VPS13D: variants seen among roughly 807,000 people sequenced by gnomAD.
VPS13D encodes the protein intermembrane lipid transfer protein VPS13D.
VPS13D carries 187 observed loss-of-function variants against 461.9 expected under a neutral mutation model. The observed-to-expected ratio is 0.40, with a 90% CI of 0.36 to 0.46. VPS13D has a LOEUF of 0.46. VPS13D is among the 20% of genes least tolerant of loss of function. VPS13D has a pLI of 0.60. For missense variants in VPS13D, 4,711 were observed against 5,364.9 expected, an observed-to-expected ratio of 0.88 and a Z score of 3.81; for synonymous variants, 1,951 against 1,986.3, an observed-to-expected ratio of 0.98 and a Z score of 0.47.
Position 12,279,142 on chromosome 1 carries a change from G to A in VPS13D, c.4451-357G>A, listed in dbSNP as rs1420301747. Among the ~76,000 whole-genome samples the A allele has an allele frequency of 1.3e-5, 2 of 152,208 alleles. No individual in the cohort carries two copies. Among genetic ancestry groups the A allele is most frequent in the Non-Finnish European group, 2.9e-5 (2 of 68,030 alleles). On this transcript the variant is annotated intron_variant, in intron 19 of 69. Transcript: ENST00000620676. This position sits in a 1 kb window ranked among gnomAD's most constrained non-coding sequence, Gnocchi z 4.3. The stretch of plus-strand genomic sequence containing the variant: ...CATCTGTATCTGAAAGCTAGGTAAG[G>A]ATGAATAATTCGGTTTGGAAAATGC...
At chr1:12,367,219 T>C (rs1247709933) in intron 52 of VPS13D, among the ~76,000 whole-genome samples, 1 of 152,248 alleles carries the variant, frequency 6.6e-6, no homozygotes, top group East Asian at 1.9e-4. Context: ...TCCTATTTTC[T>C]GCATTTGGGC....
At chr1:12,304,224 T>C (rs1473368684) in intron 25 of VPS13D, among the ~76,000 whole-genome samples, 2 of 152,266 alleles carry the variant, frequency 1.3e-5, no homozygotes, top group African/African-American at 2.4e-5. Context: ...TCTTCACATT[T>C]GCTCTTGAGC....
In VPS13D at chr1:12,275,963, C is replaced by G. The variant is rs753101038; in HGVS notation, c.2375C>G (p.Pro792Arg). 5.0e-6 allele frequency: 8 copies of G among 1,613,910 alleles called. No individual in the cohort carries two copies. The South Asian group carries it at 7.7e-5, about 16-fold the overall frequency. ...ESSSSNGEKT[P>R]PFSGVEFSEE... ...AGCAGCAGCAACGGAGAGAAAACAC[C>G]TCCCTTTTCTGGAGTTGAGTTCAGT... The change falls in exon 19 of 70, where the codon CCT (proline) becomes CGT (arginine). Residue 792 changes from proline (P) to arginine (R), a missense_variant. Pro to Arg is a moderately radical substitution (Grantham distance 103). Coordinates refer to ENST00000620676, the MANE Select transcript of VPS13D (RefSeq NM_015378.4).
intron 24 of VPS13D, among the ~76,000 whole-genome samples, chr1:12,296,546 G>A (rs1642283237): frequency 6.6e-6 from 1 of 151,998 alleles, no homozygotes; most frequent in Admixed American, 6.6e-5. Flanking sequence ...ATCCTATGTA[G>A]CAACTATATA....
In VPS13D at chr1:12,283,461, A is replaced by G; in HGVS notation, c.5359A>G (p.Ile1787Val). ...KSKFDDSLVHINIFLVDKKHP... is the reference protein window; with the variant it reads ...KSKFDDSLVHVNIFLVDKKHP... ...TAAATTTGATGATTCCTTAGTCCACATCAACATATTCTTGGTAGATAAGAA... is the reference window on the plus strand; with the variant it reads ...TAAATTTGATGATTCCTTAGTCCACGTCAACATATTCTTGGTAGATAAGAA... The change falls in exon 21 of 70, where the codon ATC becomes GTC. Residue 1787 changes from isoleucine to valine, a missense_variant. This residue lies in a region of VPS13D where 4,411 missense variants were observed against 4,937.8 expected (regional missense o/e 0.89). Transcript: ENST00000620676. 6.2e-7 allele frequency: 1 copy of G among 1,614,260 alleles called. No individual in the cohort carries two copies. The highest frequency in any genetic ancestry group is 2.2e-5 in the East Asian group (1 of 44,888).
chr1:12,251,804 A>C (rs1467432778), intron 6 of VPS13D, among the ~76,000 whole-genome samples: 1 of 152,196 alleles, frequency 6.6e-6, no homozygotes, highest in Non-Finnish European at 1.5e-5. Flanking sequence ...ACACCTTAGC[A>C]TGGCATAAAC....
intron 47 of VPS13D, 111 bp from the exon 48 acceptor site, chr1:12,355,788 G>T: frequency 8.7e-7 from 1 of 1,145,490 alleles, no homozygotes. Context: ...GATTTTTGCA[G>T]TTAGATACTT....
chr1:12,345,644 T>G, intron 43 of VPS13D, 135 bp downstream of exon 43: 1 of 1,218,866 alleles, frequency 8.2e-7, no homozygotes, highest in Non-Finnish European at 1.1e-6. Flanking sequence ...GGGTCAGTCA[T>G]AGGCATTGGT....
chr1:12,256,306 C>T lies in VPS13D; in HGVS notation c.670-27C>T, dbSNP rs770786098. 1.6e-5 allele frequency: 25 copies of T among 1,604,520 alleles called. No individual in the cohort carries two copies. In the Admixed American group the frequency reaches 4.1e-4, roughly 26 times the overall value. On this transcript the variant is annotated intron_variant, in intron 7 of 69. Transcript: ENST00000620676. ...CTACCAGAAGGAAAGCCATTCGGAGCAGAGCAGGTGTTCTTGTGACACACA... is the reference window on the plus strand; with the variant it reads ...CTACCAGAAGGAAAGCCATTCGGAGTAGAGCAGGTGTTCTTGTGACACACA...
intron 24 of VPS13D, among the ~76,000 whole-genome samples, chr1:12,298,501 G>A (rs1480687077): frequency 6.6e-6 from 1 of 152,190 alleles, no homozygotes; most frequent in East Asian, 1.9e-4. Flanking sequence ...ATAGCTGGGC[G>A]TTGTGGCACG....
At chr1:12,278,712 A>C (rs991556182) in intron 19 of VPS13D, among the ~76,000 whole-genome samples, 29 of 152,324 alleles carry the variant, frequency 1.9e-4, no homozygotes, top group Non-Finnish European at 2.1e-4. Context: ...CAAGCTGTCG[A>C]TCCTTCCTAG....
chr1:12,313,647 A>G (rs913982700), intron 29 of VPS13D, among the ~76,000 whole-genome samples: 12 of 152,150 alleles, frequency 7.9e-5, no homozygotes, highest in East Asian at 1.9e-4. Context: ...ATTATTCTCC[A>G]TGTGAAGAGT....
chr1:12,324,532 A>T (rs774181099), intron 35 of VPS13D, among the ~76,000 whole-genome samples: 2 of 152,142 alleles, frequency 1.3e-5, no homozygotes, highest in Admixed American at 1.3e-4. Flanking sequence ...GAGCTGGCTG[A>T]CTGGGTTCAG....
intron 25 of VPS13D, among the ~76,000 whole-genome samples, chr1:12,300,173 C>T (rs1325247200): frequency 6.7e-6 from 1 of 150,168 alleles, no homozygotes; most frequent in Non-Finnish European, 1.5e-5. Flanking sequence ...GTTTAGCTCC[C>T]ACTTACAAAT....
intron 16 of VPS13D, 147 bp downstream of exon 16, chr1:12,269,023 T>A: frequency 1.4e-6 from 1 of 732,134 alleles, no homozygotes; most frequent in East Asian, 3.2e-5. Context: ...CCCTGTCCTG[T>A]TACTAAACCA....
chr1:12,268,972 A>G (rs1641355082), intron 16 of VPS13D, 96 bp downstream of exon 16: 2 of 1,418,198 alleles, frequency 1.4e-6, no homozygotes, highest in Admixed American at 4.8e-5. Context: ...AGATGCTCTG[A>G]TAGTGACAAA....
At chr1:12,398,640 A>T (rs1440735410) in intron 60 of VPS13D, among the ~76,000 whole-genome samples, 1 of 152,210 alleles carries the variant, frequency 6.6e-6, no homozygotes, top group African/African-American at 2.4e-5. Context: ...CTAGACATCC[A>T]TGCATGTCTG....
chr1:12,334,297 T>G (rs1643398648), intron 38 of VPS13D, among the ~76,000 whole-genome samples: 1 of 152,248 alleles, frequency 6.6e-6, no homozygotes, highest in African/African-American at 2.4e-5. Context: ...GTGATTTCTC[T>G]AAACTGTATT....
intron 60 of VPS13D, among the ~76,000 whole-genome samples, chr1:12,398,281 G>A (rs1644525893): frequency 6.6e-6 from 1 of 152,138 alleles, no homozygotes; most frequent in Non-Finnish European, 1.5e-5. Context: ...AGAGGATTCG[G>A]TGCCAGAAAT....
Sources: gnomAD v4.1 joint callset for allele counts (sites outside exome capture counted in the v4.1 genomes callset) on GRCh38, gnomAD v4.1.1 for gene constraint, gnomAD v4.1.1 regional missense constraint, Gnocchi (gnomAD v3.1) non-coding constraint, MANE v1.5 for transcripts, NCBI Gene and HGNC (gene_info 2026-07-23, HGNC 2026-07-21) for gene names.